FBXL2: variants seen among roughly 807,000 people sequenced by gnomAD.
FBXL2 encodes the protein F-box/LRR-repeat protein 2.
Under a neutral mutation model 69.2 loss-of-function variants are expected in FBXL2, and 38 were observed. The observed-to-expected ratio is 0.55, with a 90% CI of 0.42 to 0.72. The LOEUF is 0.72. Ranked by LOEUF, FBXL2 falls within the 30% of genes least tolerant of loss-of-function variation. FBXL2 has a pLI of 0.00. For synonymous variants in FBXL2, 192 were observed against 201.3 expected (o/e 0.95, Z 0.39); for missense variants, 354 against 520.3 (o/e 0.68, Z 3.11).
chr3:33,300,891 AT>A (rs2036227194), intron 2 of FBXL2, among the ~76,000 whole-genome samples: 1 of 145,856 alleles, frequency 6.9e-6, no homozygotes, highest in Non-Finnish European at 1.5e-5. Flanking sequence ...TTTTTTTTGT[AT>A]TTTTAGTAGA....
intron 1 of FBXL2, among the ~76,000 whole-genome samples, chr3:33,287,686 A>G (rs2034791036): frequency 1.3e-5 from 2 of 152,178 alleles, no homozygotes; most frequent in African/African-American, 4.8e-5. Context: ...TTGAGTAGGC[A>G]GTTTGCCCAA....
In FBXL2 at chr3:33,387,564, T is replaced by C. The variant is rs1422248061; in HGVS notation, c.*1956T>C. On this transcript the variant is annotated 3_prime_UTR_variant, in exon 15 of 15. Transcript: ENST00000484457. Reference sequence around the variant, plus strand: ...TGGCAGTGAGCCGAGATTGTGCCATTGCACTCCATCCAGCCCAGGAGACAA... The same window carrying C: ...TGGCAGTGAGCCGAGATTGTGCCATCGCACTCCATCCAGCCCAGGAGACAA... The C allele has an allele frequency of 6.6e-6, 1 of 152,242 alleles. No homozygotes were observed. Among genetic ancestry groups the C allele is most frequent in the Non-Finnish European group, 1.5e-5 (1 of 68,158 alleles). 9.4% of individuals were successfully genotyped at this position (152,242 alleles called of 1,614,324 possible). A position where few individuals can be genotyped will look rare whatever the true frequency, so the allele number is the denominator to read the frequency against.
chr3:33,326,416 T>G (rs2038695817), intron 2 of FBXL2, among the ~76,000 whole-genome samples: 1 of 150,876 alleles, frequency 6.6e-6, no homozygotes, highest in Admixed American at 6.6e-5. Flanking sequence ...GGCAGGAGAA[T>G]AGCTTGAACC....
intron 2 of FBXL2, among the ~76,000 whole-genome samples, chr3:33,301,522 A>C (rs148538992): frequency 6.6e-6 from 1 of 152,096 alleles, no homozygotes. Context: ...AGAAAAATCT[A>C]TGTTTTCTTT....
At position 33,377,242 on chromosome 3, in the gene FBXL2, G is replaced by A. The variant is rs76423340; in HGVS notation, c.789-31G>A. 2.4e-5 allele frequency: 39 copies of A among 1,605,078 alleles called. No individual in the cohort carries two copies. The South Asian group carries it at 2.5e-4, about 10-fold the overall frequency. ...TTTCCATTATTAACTAGTTGGTACC[G>A]TTTTCTCCCCTGTACCCACTTTCTC... On this transcript the variant is annotated intron_variant, in intron 10 of 14. Transcript: ENST00000484457.
chr3:33,283,898 C>T (rs534668354), intron 1 of FBXL2, among the ~76,000 whole-genome samples: 13 of 152,140 alleles, frequency 8.5e-5, no homozygotes, highest in South Asian at 8.3e-4. Context: ...GGTGATATTC[C>T]GTTTATGATC....
the FBXL2 span, chr3:33,409,197 T>A: frequency 5.6e-6 from 9 of 1,595,700 alleles, no homozygotes; most frequent in African/African-American, 9.4e-5. Context: ...ATATGCAACC[T>A]TTGCTTCTCT....
At chr3:33,286,937 A>T (rs563947435) in intron 1 of FBXL2, among the ~76,000 whole-genome samples, 1 of 152,186 alleles carries the variant, frequency 6.6e-6, no homozygotes, top group Admixed American at 6.5e-5. Flanking sequence ...ACCATTTGTC[A>T]CGGCTTCCCT....
At chr3:33,300,898 G>GTAGAGACAGGGTTTCACCGTGGTCTCGA (rs2036227771) in intron 2 of FBXL2, among the ~76,000 whole-genome samples, 1 of 150,578 alleles carries the variant, frequency 6.6e-6, no homozygotes, top group Admixed American at 6.6e-5. Context: ...TGTATTTTTA[G>GTAGAGACAGGGTTTCACCGTGGTCTCGA]TAGAGACAGG....
At chr3:33,286,831 C>T (rs1047234016) in intron 1 of FBXL2, among the ~76,000 whole-genome samples, 2 of 152,236 alleles carry the variant, frequency 1.3e-5, no homozygotes, top group South Asian at 2.1e-4. Flanking sequence ...GTGGGACCCT[C>T]TGAGCCAGGC....
At chr3:33,309,155 A>G (rs944041650) in intron 2 of FBXL2, among the ~76,000 whole-genome samples, 2 of 152,174 alleles carry the variant, frequency 1.3e-5, no homozygotes, top group South Asian at 2.1e-4. Flanking sequence ...ATAATGTGCC[A>G]TTGCTGAAAG....
chr3:33,298,312 T>C (rs1351454997), intron 2 of FBXL2, among the ~76,000 whole-genome samples: 1 of 152,196 alleles, frequency 6.6e-6, no homozygotes, highest in African/African-American at 2.4e-5. Context: ...AGTAAAGCTA[T>C]CAGCAAACAT....
intron 4 of FBXL2, among the ~76,000 whole-genome samples, chr3:33,360,312 A>C (rs557771426): frequency 1.3e-5 from 2 of 152,316 alleles, no homozygotes; most frequent in East Asian, 3.9e-4. Flanking sequence ...GGCTTGACCT[A>C]GACAAACTAA....
intron 2 of FBXL2, among the ~76,000 whole-genome samples, chr3:33,315,608 T>G (rs919923290): frequency 1.3e-4 from 20 of 152,168 alleles, no homozygotes; most frequent in Non-Finnish European, 2.6e-4. Flanking sequence ...TTTGGTGTTC[T>G]TCTGTGGTTT....
At chr3:33,331,254 A>C (rs1386344854) in intron 2 of FBXL2, among the ~76,000 whole-genome samples, 2 of 139,450 alleles carry the variant, frequency 1.4e-5, no homozygotes, top group Non-Finnish European at 3.0e-5. Context: ...AATGGTTACA[A>C]TCAAGTAAAA....
At chr3:33,280,736 A>G (rs1052540121) in intron 1 of FBXL2, among the ~76,000 whole-genome samples, 5 of 151,568 alleles carry the variant, frequency 3.3e-5, no homozygotes, top group African/African-American at 4.8e-5. Context: ...AAAAAAAAGA[A>G]AAGAAAAAAA....
At chr3:33,381,373 G>A (rs1036911217) in intron 13 of FBXL2, among the ~76,000 whole-genome samples, 5 of 152,174 alleles carry the variant, frequency 3.3e-5, no homozygotes, top group African/African-American at 4.8e-5. Context: ...GGCTGGGCAC[G>A]GTGGCTCACG....
intron 1 of FBXL2, among the ~76,000 whole-genome samples, chr3:33,282,031 G>T (rs1335721205): frequency 6.6e-5 from 10 of 152,140 alleles, no homozygotes; most frequent in Non-Finnish European, 1.3e-4. Context: ...CTTTTGCTGT[G>T]CAGAAGCTCT....
At chr3:33,309,555 A>G (rs978672923) in intron 2 of FBXL2, among the ~76,000 whole-genome samples, 14 of 151,690 alleles carry the variant, frequency 9.2e-5, no homozygotes, top group Admixed American at 4.6e-4. Flanking sequence ...AAAAAAAAAT[A>G]CATTCAGCTA....
Sources: gnomAD v4.1 joint callset for allele counts (sites outside exome capture counted in the v4.1 genomes callset) on GRCh38, gnomAD v4.1.1 for gene constraint, MANE v1.5 for transcripts, NCBI Gene and HGNC (gene_info 2026-07-23, HGNC 2026-07-21) for gene names.